The following CTNNA2 variants were observed in gnomAD, a reference collection of about 807,000 sequenced individuals.
CTNNA2 encodes the protein catenin alpha-2.
Under a neutral mutation model 101.0 loss-of-function variants are expected in CTNNA2, and 42 were observed. That is an observed-to-expected ratio of 0.42 (90% CI 0.32 to 0.54). The LOEUF (loss-of-function observed/expected upper bound fraction) is 0.54. CTNNA2 is among the 20% of genes least tolerant of loss of function. The pLI, the probability that CTNNA2 is intolerant of heterozygous loss-of-function variation, is 0.14. For synonymous variants in CTNNA2, 450 were observed against 456.4 expected (o/e 0.99, Z 0.18); for missense variants, 871 against 1,223.1 (o/e 0.71, Z 4.29).
chr2:80,313,746 A>G, intron 7 of CTNNA2: 1 of 929,126 alleles, frequency 1.1e-6, no homozygotes, highest in East Asian at 2.6e-5. Context: ...AAATGTGAGT[A>G]CAAGGAATAT....
intron 4 of CTNNA2, among the ~76,000 whole-genome samples, chr2:79,447,039 G>T (rs2104523681): frequency 6.6e-6 from 1 of 152,116 alleles, no homozygotes; most frequent in East Asian, 1.9e-4. Flanking sequence ...AAAAGAAAGA[G>T]CCAGTGTACT....
At chr2:79,756,260 G>A (rs1165011453) in intron 3 of CTNNA2, among the ~76,000 whole-genome samples, 1 of 152,096 alleles carries the variant, frequency 6.6e-6, no homozygotes, top group African/African-American at 2.4e-5. Context: ...AAGAAACTTT[G>A]TATATAGTCT....
intron 3 of CTNNA2, among the ~76,000 whole-genome samples, chr2:79,321,359 G>A (rs1351585721): frequency 6.6e-6 from 1 of 152,164 alleles, no homozygotes; most frequent in Non-Finnish European, 1.5e-5. Flanking sequence ...TTCATCCACA[G>A]AGACAAGACT....
At chr2:80,392,317 G>A (rs879433657) in intron 7 of CTNNA2, among the ~76,000 whole-genome samples, 1 of 152,112 alleles carries the variant, frequency 6.6e-6, no homozygotes, top group African/African-American at 2.4e-5. Flanking sequence ...AATCTGTAGC[G>A]TTTGACTAAA....
chr2:79,474,161 G>A (rs568546516), intron 4 of CTNNA2, among the ~76,000 whole-genome samples: 4 of 152,074 alleles, frequency 2.6e-5, no homozygotes, highest in Non-Finnish European at 5.9e-5. Context: ...TAAATGAAAG[G>A]AGGAAGAAGT....
chr2:79,372,485 G>T (rs1343763973), intron 3 of CTNNA2, among the ~76,000 whole-genome samples: 2 of 152,102 alleles, frequency 1.3e-5, no homozygotes, highest in Non-Finnish European at 2.9e-5. Context: ...TGAAAGCCAG[G>T]CATGTACTTC....
intron 11 of CTNNA2, among the ~76,000 whole-genome samples, chr2:80,554,847 C>T (rs909202118): frequency 6.6e-6 from 1 of 152,074 alleles, no homozygotes; most frequent in Non-Finnish European, 1.5e-5. Context: ...CTAAAGAATG[C>T]ACAAGGAATA....
chr2:79,436,910 C>T (rs62156996), intron 4 of CTNNA2, among the ~76,000 whole-genome samples: 1,834 of 151,470 alleles, frequency 0.012, 19 homozygotes, highest in South Asian at 0.021. Flanking sequence ...GGATTACAGG[C>T]GTGAGCCACC....
At chr2:80,169,730 T>A (rs1704925779) in intron 7 of CTNNA2, among the ~76,000 whole-genome samples, 1 of 152,166 alleles carries the variant, frequency 6.6e-6, no homozygotes, top group Non-Finnish European at 1.5e-5. Flanking sequence ...TAGCTCCGTG[T>A]CATTTTGGCT....
At chr2:80,403,657 T>A (rs1337999911) in intron 8 of CTNNA2, among the ~76,000 whole-genome samples, 5 of 152,194 alleles carry the variant, frequency 3.3e-5, no homozygotes, top group Admixed American at 3.3e-4. Context: ...ATGGTGCCAC[T>A]TTTCAAGAAA....
intron 14 of CTNNA2, among the ~76,000 whole-genome samples, chr2:80,582,944 C>T (rs1308399440): frequency 6.6e-6 from 1 of 152,060 alleles, no homozygotes; most frequent in African/African-American, 2.4e-5. Context: ...CTCTTATGTG[C>T]TTTATGCCCT....
chr2:80,537,786 T>G (rs1573183451), intron 9 of CTNNA2, among the ~76,000 whole-genome samples: 1 of 151,892 alleles, frequency 6.6e-6, no homozygotes, highest in African/African-American at 2.4e-5. Flanking sequence ...AGAGGTGGGG[T>G]TTCTCCATGT....
chr2:79,315,515 G>A (rs1257395539), intron 3 of CTNNA2, among the ~76,000 whole-genome samples: 1 of 152,074 alleles, frequency 6.6e-6, no homozygotes. Flanking sequence ...ATGGTCTTTT[G>A]CGACAGGCTT....
chr2:80,096,996 G>T (rs1047134574), intron 7 of CTNNA2, among the ~76,000 whole-genome samples: 9 of 152,110 alleles, frequency 5.9e-5, no homozygotes, highest in African/African-American at 2.2e-4. Context: ...GGAGCATTTA[G>T]CCCATTTACA....
chr2:79,198,609 C>G (rs1257751026), intron 2 of CTNNA2, among the ~76,000 whole-genome samples: 2 of 152,160 alleles, frequency 1.3e-5, no homozygotes. Flanking sequence ...ATATTCCCAT[C>G]AAGTATAGGA....
At chr2:80,643,414 C>G (rs1248511855) in intron 18 of CTNNA2, among the ~76,000 whole-genome samples, 5 of 152,156 alleles carry the variant, frequency 3.3e-5, no homozygotes, top group Admixed American at 2.0e-4. Flanking sequence ...AAACGAAACT[C>G]AGGGAACTAG....
intron 4 of CTNNA2, among the ~76,000 whole-genome samples, chr2:79,459,435 T>C (rs925360894): frequency 2.6e-5 from 4 of 152,100 alleles, no homozygotes; most frequent in African/African-American, 9.7e-5. Flanking sequence ...GATATATCCA[T>C]TTTCTTCCAC....
At chr2:79,941,001 A>G (rs751150300) in intron 7 of CTNNA2, among the ~76,000 whole-genome samples, 6 of 152,198 alleles carry the variant, frequency 3.9e-5, no homozygotes, top group Non-Finnish European at 8.8e-5. Context: ...AGTGATCTTT[A>G]TAGCATGAAT....
intron 4 of CTNNA2, among the ~76,000 whole-genome samples, chr2:79,405,319 T>G (rs1678329958): frequency 6.6e-6 from 1 of 151,950 alleles, no homozygotes; most frequent in Non-Finnish European, 1.5e-5. Flanking sequence ...GCTGACAATT[T>G]GTTTTTATTT....
Sources: gnomAD v4.1 joint callset for allele counts (sites outside exome capture counted in the v4.1 genomes callset) on GRCh38, gnomAD v4.1.1 for gene constraint, MANE v1.5 for transcripts, NCBI Gene and HGNC (gene_info 2026-07-23, HGNC 2026-07-21) for gene names.